KDM3A: variants seen among roughly 807,000 people sequenced by gnomAD.
The protein encoded by KDM3A is lysine demethylase 3A, also known as lysine-specific demethylase 3A.
Under a neutral mutation model 158.0 loss-of-function variants are expected in KDM3A, and 60 were observed. The observed-to-expected ratio is 0.38, with a 90% confidence interval of 0.31 to 0.47. The LOEUF is 0.47. KDM3A is among the 20% of genes least tolerant of loss of function. The pLI is 0.99. For synonymous variants in KDM3A, 608 were observed against 549.3 expected (o/e 1.11, Z -1.49); for missense variants, 1,319 against 1,574.3 (o/e 0.84, Z 2.74).
chr2:86,464,234 A>G lies in KDM3A; in HGVS notation c.1007+18A>G. 6.7e-7 allele frequency: 1 copy of G among 1,486,592 alleles called. No homozygotes were observed. Among genetic ancestry groups the G allele is most frequent in the Non-Finnish European group, 9.0e-7 (1 of 1,106,616 alleles). 92.1% of individuals were successfully genotyped at this position (1,486,592 alleles called of 1,614,324 possible). A position where few individuals can be genotyped will look rare whatever the true frequency, so the allele number is the denominator to read the frequency against. On this transcript the variant is annotated intron_variant, in intron 9 of 25. Transcript: ENST00000312912. ...CCTCAAGGGTGAGTAGTGATTTGTT[A>G]AAGATGTTTAATTATAATAATAAAA...
intron 5 of KDM3A, 100 bp downstream of exon 5, chr2:86,455,287 CT>C (rs1343318025): frequency 1.7e-6 from 1 of 603,720 alleles, no homozygotes; most frequent in Non-Finnish European, 2.7e-6. Flanking sequence ...ATGGAAATTT[CT>C]TTTTTCTTTT....
chr2:86,451,667 A>G (rs1672477210), intron 4 of KDM3A, among the ~76,000 whole-genome samples: 1 of 152,162 alleles, frequency 6.6e-6, no homozygotes, highest in South Asian at 2.1e-4. Context: ...TGTGTTGTTC[A>G]GTGGCCAACT....
chr2:86,482,439 T>A lies in KDM3A; in HGVS notation c.2686-19T>A. On this transcript the variant is annotated intron_variant, in intron 17 of 25. Transcript: ENST00000312912. ...AAGGGAATGACATATTTGAGACTTT[T>A]GTTCTTTCTCCAATTCAGACAGAAA... 2 of 1,610,310 alleles carry A rather than the reference T, an allele frequency of 1.2e-6. No homozygotes were observed. The highest frequency in any genetic ancestry group is 1.7e-6 in the Non-Finnish European group (2 of 1,178,876).
chr2:86,486,633 C>T (rs982670605), intron 21 of KDM3A, among the ~76,000 whole-genome samples: 3 of 152,164 alleles, frequency 2.0e-5, no homozygotes, highest in African/African-American at 7.2e-5. Context: ...TAATTACTTC[C>T]ATGTCATTTT....
intron 2 of KDM3A, among the ~76,000 whole-genome samples, chr2:86,448,469 C>G (rs774893204): frequency 1.1e-4 from 17 of 152,142 alleles, no homozygotes; most frequent in Non-Finnish European, 2.4e-4. Context: ...AGACTTTGAC[C>G]TATTAGAATT....
At chr2:86,466,983 A>G in intron 10 of KDM3A, 100 bp downstream of exon 10, 2 of 1,019,546 alleles carry the variant, frequency 2.0e-6, no homozygotes, top group Non-Finnish European at 2.8e-6. Flanking sequence ...ATGACTTTGT[A>G]GAAATAGTTT....
In KDM3A at chr2:86,478,717, A is replaced by G. The variant is rs774721217; in HGVS notation, c.2298A>G (p.Ser766=). ...RQFKLFSKPA[S]KEDLKQTSLA... ...TCAAACTCTTTTCAAAGCCAGCCTC[A>G]AAGGAAGACCTAAAACAGGTATTTA... is the stretch of plus-strand genomic sequence containing the variant. The change falls in exon 15 of 26, where the codon TCA becomes TCG. Residue 766 remains serine (S), a synonymous_variant. Transcript: ENST00000312912. 107 of 1,613,938 alleles carry G rather than the reference A, an allele frequency of 6.6e-5. No homozygotes were observed. The Admixed American group carries it at 6.8e-4, about 10-fold the overall frequency.
chr2:86,481,117 T>C (rs1317832703), intron 16 of KDM3A, among the ~76,000 whole-genome samples: 2 of 152,198 alleles, frequency 1.3e-5, no homozygotes, highest in Non-Finnish European at 2.9e-5. Context: ...CAGGAAAACA[T>C]TAAGTAAAAT....
intron 8 of KDM3A, among the ~76,000 whole-genome samples, chr2:86,459,379 G>A (rs1258784793): frequency 6.6e-6 from 1 of 152,120 alleles, no homozygotes; most frequent in East Asian, 1.9e-4. Flanking sequence ...AGAAATTGTT[G>A]GCAGTCTAGA....
chr2:86,439,509 C>G (rs1573124381), upstream of KDM3A, among the ~76,000 whole-genome samples: 1 of 152,012 alleles, frequency 6.6e-6, no homozygotes, highest in East Asian at 1.9e-4. Flanking sequence ...TTTCTAAGCT[C>G]TGAAATAATG....
At chr2:86,442,295 T>A in intron 2 of KDM3A, 62 bp downstream of exon 2, 2 of 1,467,126 alleles carry the variant, frequency 1.4e-6, no homozygotes, top group Non-Finnish European at 1.9e-6. Flanking sequence ...AACGCGACCA[T>A]CGGTTCCCTC....
At chr2:86,455,041 T>G (rs753108933) in intron 4 of KDM3A, 44 bp from the exon 5 acceptor site, 4 of 1,142,232 alleles carry the variant, frequency 3.5e-6, no homozygotes, top group South Asian at 1.4e-5. Flanking sequence ...TAACTCTTCT[T>G]ATTAACTGTT....
At chr2:86,456,752 A>G (rs1481521654) in intron 6 of KDM3A, 53 bp from the exon 7 acceptor site, 3 of 1,445,574 alleles carry the variant, frequency 2.1e-6, no homozygotes, top group African/African-American at 2.8e-5. Context: ...GATTTTCAGT[A>G]TGTTCTTGAG....
At chr2:86,447,387 T>G (rs1243309708) in intron 2 of KDM3A, among the ~76,000 whole-genome samples, 1 of 151,706 alleles carries the variant, frequency 6.6e-6, no homozygotes, top group African/African-American at 2.4e-5. Context: ...GATAGTGATC[T>G]GGTAAGAACT....
intron 2 of KDM3A, among the ~76,000 whole-genome samples, chr2:86,442,841 G>A (rs761768413): frequency 5.9e-5 from 9 of 152,094 alleles, no homozygotes; most frequent in Admixed American, 1.3e-4. Flanking sequence ...ATGGAGGGAT[G>A]GGGTGGAGCT....
chr2:86,460,871 G>A (rs1264954957), intron 8 of KDM3A: 2 of 152,230 alleles, frequency 1.3e-5, no homozygotes, highest in Non-Finnish European at 2.9e-5. Context: ...TCAGAGGCCA[G>A]TGCGGAGGTG....
upstream of KDM3A, among the ~76,000 whole-genome samples, chr2:86,438,653 C>CA (rs1682531271): frequency 6.6e-6 from 1 of 151,668 alleles, no homozygotes; most frequent in Non-Finnish European, 1.5e-5. Flanking sequence ...AATGTAAATA[C>CA]AAAAAAAGTG....
Position 86,454,966 on chromosome 2 carries a change from A to G in KDM3A, c.454-119A>G, listed in dbSNP as rs146656604. 2.1e-3 allele frequency: 1,217 copies of G among 581,842 alleles called. 3 individuals are homozygous for G. Among genetic ancestry groups the G allele is most frequent in the Non-Finnish European group, 2.8e-3 (931 of 332,908 alleles). The allele number at this position is 581,842 out of a possible 1,614,324, so 36.0% of individuals were successfully genotyped here. A position where few individuals can be genotyped will look rare whatever the true frequency, so the allele number is the denominator to read the frequency against. On this transcript the variant is annotated intron_variant, in intron 4 of 25. Transcript: ENST00000312912. The stretch of plus-strand genomic sequence containing the variant: ...GAATTGGAATGATTTGGGCTATCAC[A>G]TGGTTTGTTGACACTACTTTAACCC...
At chr2:86,440,119 G>C (rs1468224211), upstream of KDM3A, among the ~76,000 whole-genome samples, 1 of 152,034 alleles carries the variant, frequency 6.6e-6, no homozygotes, top group Non-Finnish European at 1.5e-5. Flanking sequence ...CAGCTGGATA[G>C]GTTTTTTCTT....
Sources: gnomAD v4.1 joint callset for allele counts (sites outside exome capture counted in the v4.1 genomes callset) on GRCh38, gnomAD v4.1.1 for gene constraint, MANE v1.5 for transcripts, NCBI Gene and HGNC (gene_info 2026-07-23, HGNC 2026-07-21) for gene names.